ATP2B2: variants seen among roughly 807,000 people sequenced by gnomAD.
ATP2B2 encodes plasma membrane calcium-transporting ATPase 2.
Under a neutral mutation model 120.0 loss-of-function variants are expected in ATP2B2, and 15 were observed. The observed-to-expected ratio is 0.12, with a 90% CI of 0.08 to 0.19. The LOEUF (loss-of-function observed/expected upper bound fraction) is 0.19. Ranked by LOEUF, ATP2B2 falls within the 10% of genes least tolerant of loss-of-function variation. The pLI, the probability that ATP2B2 is intolerant of heterozygous loss-of-function variation, is 1.00. For synonymous variants in ATP2B2, 694 were observed against 700.3 expected (o/e 0.99, Z 0.14); for missense variants, 1,045 against 1,719.8 (o/e 0.61, Z 6.94).
At chr3:10,702,333 G>A (rs2071831222) in intron 1 of ATP2B2, among the ~76,000 whole-genome samples, 1 of 152,224 alleles carries the variant, frequency 6.6e-6, no homozygotes, top group African/African-American at 2.4e-5. Flanking sequence ...ACATCCGAAA[G>A]TGCTTACCGC....
intron 1 of ATP2B2, among the ~76,000 whole-genome samples, chr3:10,455,224 GCAGT>G (rs985122827): frequency 3.4e-4 from 52 of 152,256 alleles, no homozygotes; most frequent in African/African-American, 1.2e-3. Flanking sequence ...AACAAAATCA[GCAGT>G]CATAGTTTTT....
intron 3 of ATP2B2, among the ~76,000 whole-genome samples, chr3:10,407,770 G>A (rs149689155): frequency 1.2e-3 from 188 of 152,308 alleles, no homozygotes; most frequent in Non-Finnish European, 2.3e-3. Context: ...AGGAGCGATC[G>A]GCCACGTGGG....
At position 10,372,135 on chromosome 3, in the gene ATP2B2, C is replaced by G. The variant is rs945435298; in HGVS notation, c.1417-84G>C. ...TGCCTGGAGGCACTGGGTAAACATG[C>G]AGTAAATAAGGCAGAGCCACCACAG... On this transcript the variant is annotated intron_variant, in intron 11 of 22. Coordinates refer to ENST00000360273, the MANE Select transcript of ATP2B2 (RefSeq NM_001001331.4). The G allele has an allele frequency of 3.8e-6, 6 of 1,589,100 alleles. No individual in the cohort carries two copies. The African/African-American group carries it at 6.7e-5, about 18-fold the overall frequency.
intron 1 of ATP2B2, among the ~76,000 whole-genome samples, chr3:10,671,797 T>C (rs776019254): frequency 6.6e-6 from 1 of 152,144 alleles, no homozygotes; most frequent in Admixed American, 6.5e-5. Flanking sequence ...GGTGAGGTGA[T>C]GAACATTTTT....
At chr3:10,400,301 C>T (rs1035582331) in intron 5 of ATP2B2, among the ~76,000 whole-genome samples, 3 of 152,150 alleles carry the variant, frequency 2.0e-5, no homozygotes, top group Non-Finnish European at 2.9e-5. Flanking sequence ...GACCTGTGGC[C>T]TCTCCACTCT....
intron 1 of ATP2B2, among the ~76,000 whole-genome samples, chr3:10,455,276 C>T (rs1365721563): frequency 1.3e-5 from 2 of 152,168 alleles, no homozygotes; most frequent in African/African-American, 4.8e-5. Context: ...TGCCCAGTTT[C>T]CCCTCTTTGT....
At chr3:10,439,403 C>T (rs1292376366) in intron 2 of ATP2B2, among the ~76,000 whole-genome samples, 1 of 152,308 alleles carries the variant, frequency 6.6e-6, no homozygotes, top group South Asian at 2.1e-4. Flanking sequence ...CATGGGTGGA[C>T]TGAGCACCCT....
At chr3:10,481,947 G>A (rs2125322857) in intron 1 of ATP2B2, among the ~76,000 whole-genome samples, 1 of 152,302 alleles carries the variant, frequency 6.6e-6, no homozygotes, top group South Asian at 2.1e-4. Flanking sequence ...AAATCCATGA[G>A]GGCAGAGATT....
At chr3:10,477,370 C>T (rs1559386412) in intron 1 of ATP2B2, among the ~76,000 whole-genome samples, 1 of 152,198 alleles carries the variant, frequency 6.6e-6, no homozygotes, top group African/African-American at 2.4e-5. Context: ...TTTTCATCTA[C>T]GTTTCTCTTT....
rs993219522 is a variant in ATP2B2, at chr3:10,388,962, G to A, written c.782-560C>T. Among the ~76,000 whole-genome samples, 3 of 151,988 alleles carry A rather than the reference G, an allele frequency of 2.0e-5. No individual in the cohort carries two copies. The East Asian group carries it at 5.8e-4, about 29-fold the overall frequency. ...TTTCTACTTTATGCCAATATAATTGGTTTCCTTTGTGACCTCAGTGGGATC... is the reference window on the plus strand; with the variant it reads ...TTTCTACTTTATGCCAATATAATTGATTTCCTTTGTGACCTCAGTGGGATC... On this transcript the variant is annotated intron_variant, in intron 5 of 22. Transcript: ENST00000360273.
chr3:10,421,500 G>A (rs961041223), intron 2 of ATP2B2, among the ~76,000 whole-genome samples: 7 of 152,216 alleles, frequency 4.6e-5, no homozygotes, highest in Non-Finnish European at 1.0e-4. Flanking sequence ...CCTACTGGTG[G>A]CTGCAGAAGG....
At chr3:10,417,004 G>C (rs2062808129) in intron 2 of ATP2B2, among the ~76,000 whole-genome samples, 1 of 148,988 alleles carries the variant, frequency 6.7e-6, no homozygotes, top group South Asian at 2.1e-4. Context: ...CCAGGCAGAG[G>C]GGCTCCTCAC....
intron 2 of ATP2B2, among the ~76,000 whole-genome samples, chr3:10,432,644 GA>G (rs1266286085): frequency 3.3e-5 from 5 of 152,284 alleles, no homozygotes; most frequent in African/African-American, 1.2e-4. Context: ...CTTCACGCCA[GA>G]AGCGAATCTC....
chr3:10,442,839 G>A (rs1250993091), intron 2 of ATP2B2, among the ~76,000 whole-genome samples: 2 of 152,214 alleles, frequency 1.3e-5, no homozygotes, highest in African/African-American at 4.8e-5. Context: ...CATGTGCCAG[G>A]CACTAAGTGC....
At chr3:10,644,264 A>C (rs1372103389) in intron 1 of ATP2B2, among the ~76,000 whole-genome samples, 2 of 152,206 alleles carry the variant, frequency 1.3e-5, no homozygotes, top group Non-Finnish European at 2.9e-5. Context: ...TAAGGAGAAA[A>C]GTTTTGGCAA....
intron 22 of ATP2B2, among the ~76,000 whole-genome samples, chr3:10,331,748 G>T (rs997067539): frequency 5.3e-5 from 8 of 149,826 alleles, no homozygotes; most frequent in Non-Finnish European, 1.2e-4. Flanking sequence ...ATTTGGGCGT[G>T]GGGGTGAGGG....
At chr3:10,350,264 G>A in intron 15 of ATP2B2, 65 bp from the exon 16 acceptor site, 1 of 1,577,748 alleles carries the variant, frequency 6.3e-7, no homozygotes, top group Non-Finnish European at 8.7e-7. Context: ...GCCTGGAGAA[G>A]GGAGGGGACA....
chr3:10,349,635 G>T (rs2060521270), intron 16 of ATP2B2, among the ~76,000 whole-genome samples: 1 of 151,906 alleles, frequency 6.6e-6, no homozygotes, highest in Non-Finnish European at 1.5e-5. Context: ...TTGGTTGGGG[G>T]CCTCAGGGAC....
intron 14 of ATP2B2, among the ~76,000 whole-genome samples, chr3:10,358,233 A>ACAC (rs554489110): frequency 6.6e-6 from 1 of 152,208 alleles, no homozygotes; most frequent in South Asian, 2.1e-4. Context: ...ACTGACAGGG[A>ACAC]CACCACACTT....
Sources: allele counts gnomAD v4.1 joint callset (sites outside exome capture counted in the v4.1 genomes callset), GRCh38; gene constraint gnomAD v4.1.1; transcripts MANE v1.5; gene names NCBI Gene and HGNC (gene_info 2026-07-23, HGNC 2026-07-21).